The following SMIM10L3 variants were observed in gnomAD, a reference collection of about 807,000 sequenced individuals.
The protein encoded by SMIM10L3 is small integral membrane protein 10 like 3, also known as salivary gland specific protein SAGSIN1.
At chr7:6,345,522 T>G in the SMIM10L3 span, among the ~76,000 whole-genome samples, 1 of 152,058 alleles carries the variant, frequency 6.6e-6, no homozygotes, top group African/African-American at 2.4e-5. Flanking sequence ...AGAGAGGTGG[T>G]TATAAATAGA....
At chr7:6,332,795 C>G in the SMIM10L3 span, among the ~76,000 whole-genome samples, 4 of 152,314 alleles carry the variant, frequency 2.6e-5, no homozygotes, top group East Asian at 7.7e-4. Flanking sequence ...AGGTAGGAAA[C>G]TGCTGTTTCT....
the SMIM10L3 span, among the ~76,000 whole-genome samples, chr7:6,336,217 A>G: frequency 2.0e-5 from 3 of 151,416 alleles, no homozygotes; most frequent in Non-Finnish European, 2.9e-5. Context: ...GTGGTGGTGC[A>G]CACCTGTAGT....
the SMIM10L3 span, among the ~76,000 whole-genome samples, chr7:6,335,281 G>A: frequency 6.6e-6 from 1 of 151,598 alleles, no homozygotes; most frequent in Non-Finnish European, 1.5e-5. Flanking sequence ...GGAGGGCAAT[G>A]GCACAATCTC....
At chr7:6,344,209 T>C in the SMIM10L3 span, among the ~76,000 whole-genome samples, 3 of 151,912 alleles carry the variant, frequency 2.0e-5, no homozygotes, top group African/African-American at 7.3e-5. Context: ...TTTCCTGTTG[T>C]ACCTCCCTTT....
At chr7:6,348,877 C>G in the SMIM10L3 span, 3 of 386,994 alleles carry the variant, frequency 7.8e-6, no homozygotes, top group South Asian at 4.2e-4. Context: ...GACCGGCGGG[C>G]GGGCGGGCCG....
At chr7:6,343,440 A>ATGATG in the SMIM10L3 span, among the ~76,000 whole-genome samples, 1 of 119,756 alleles carries the variant, frequency 8.4e-6, no homozygotes, top group African/African-American at 3.1e-5. Flanking sequence ...ATATATATAT[A>ATGATG]TATATGATCT....
chr7:6,340,846 C>T, the SMIM10L3 span, among the ~76,000 whole-genome samples: 1 of 144,600 alleles, frequency 6.9e-6, no homozygotes, highest in African/African-American at 2.6e-5. Flanking sequence ...TGGCAGTGAG[C>T]CGAGATGGCG....
chr7:6,345,295 G>A, the SMIM10L3 span, among the ~76,000 whole-genome samples: 2 of 151,126 alleles, frequency 1.3e-5, no homozygotes, highest in Non-Finnish European at 3.0e-5. Context: ...TTTATTTTTT[G>A]TACAGACTGG....
At chr7:6,337,311 G>C in the SMIM10L3 span, among the ~76,000 whole-genome samples, 1 of 151,906 alleles carries the variant, frequency 6.6e-6, no homozygotes, top group South Asian at 2.1e-4. Flanking sequence ...GAGTAGATAT[G>C]GGGTTTTACC....
chr7:6,330,194 A>G, the SMIM10L3 span: 1 of 638,060 alleles, frequency 1.6e-6, no homozygotes, highest in Non-Finnish European at 2.7e-6. Context: ...CACATGCCAA[A>G]AAAGTTCCTT....
chr7:6,347,777 C>A, the SMIM10L3 span, among the ~76,000 whole-genome samples: 2 of 151,722 alleles, frequency 1.3e-5, no homozygotes, highest in Non-Finnish European at 2.9e-5. Context: ...CTATGCAGGC[C>A]AGATGTGGTG....
chr7:6,337,437 AAGAAAAAC>A, the SMIM10L3 span, among the ~76,000 whole-genome samples: 1 of 150,794 alleles, frequency 6.6e-6, no homozygotes, highest in Admixed American at 6.6e-5. Flanking sequence ...TTTAATTCTC[AAGAAAAAC>A]AGGTCATATA....
chr7:6,338,399 T>TA, the SMIM10L3 span, among the ~76,000 whole-genome samples: 1 of 152,120 alleles, frequency 6.6e-6, no homozygotes, highest in Admixed American at 6.6e-5. Flanking sequence ...ATGATGGTAT[T>TA]ACAAACAAAG....
chr7:6,343,514 G>T, the SMIM10L3 span, among the ~76,000 whole-genome samples: 1 of 146,098 alleles, frequency 6.8e-6, no homozygotes, highest in Non-Finnish European at 1.5e-5. Flanking sequence ...GGCATGACTT[G>T]TTAAATTATA....
At chr7:6,338,651 C>G in the SMIM10L3 span, 2 of 152,424 alleles carry the variant, frequency 1.3e-5, no homozygotes, top group Admixed American at 6.5e-5. Flanking sequence ...GAGCGGTCAC[C>G]TTCCTCGCAG....
chr7:6,348,116 G>C, the SMIM10L3 span, among the ~76,000 whole-genome samples: 1 of 150,974 alleles, frequency 6.6e-6, no homozygotes, highest in African/African-American at 2.4e-5. Flanking sequence ...CTCCGTGTTG[G>C]TCAGGCTGGT....
the SMIM10L3 span, among the ~76,000 whole-genome samples, chr7:6,340,682 G>A: frequency 2.0e-5 from 3 of 151,878 alleles, no homozygotes; most frequent in Non-Finnish European, 2.9e-5. Context: ...GGCGGATCAC[G>A]AGGTCAGGAG....
At chr7:6,334,138 A>G in the SMIM10L3 span, among the ~76,000 whole-genome samples, 4,073 of 150,878 alleles carry the variant, frequency 0.027, 184 homozygotes, top group African/African-American at 0.09. Context: ...GAGCCACCGC[A>G]CCCAGCCGAA....
the SMIM10L3 span, among the ~76,000 whole-genome samples, chr7:6,341,459 A>AATT: frequency 9.2e-4 from 131 of 142,482 alleles, no homozygotes; most frequent in South Asian, 5.1e-3. Context: ...TAATAATAAT[A>AATT]ATTATTATTA....
Sources: gnomAD v4.1 joint callset for allele counts (sites outside exome capture counted in the v4.1 genomes callset) on GRCh38, gnomAD v4.1.1 for gene constraint, MANE v1.5 for transcripts, NCBI Gene and HGNC (gene_info 2026-07-23, HGNC 2026-07-21) for gene names.